The following GRIK4 variants were observed in gnomAD, a reference collection of about 807,000 sequenced individuals.
GRIK4 encodes the protein glutamate ionotropic receptor kainate type subunit 4, also known as glutamate receptor ionotropic, kainate 4.
Under a neutral mutation model 104.9 loss-of-function variants are expected in GRIK4, and 40 were observed. The observed-to-expected ratio is 0.38, with a 90% CI of 0.30 to 0.50. The LOEUF is 0.50. Among genes scored for constraint, GRIK4 ranks in the 20% least tolerant of loss-of-function variants. The pLI, the probability that GRIK4 is intolerant of heterozygous loss-of-function variation, is 0.93. For synonymous variants in GRIK4, 485 were observed against 524.9 expected (o/e 0.92, Z 1.04); for missense variants, 1,047 against 1,308.1 (o/e 0.80, Z 3.08).
At chr11:120,643,805 G>T (rs577965879) in intron 1 of GRIK4, among the ~76,000 whole-genome samples, 43 of 152,268 alleles carry the variant, frequency 2.8e-4, no homozygotes, top group Admixed American at 2.2e-3. Flanking sequence ...TGCAGCCAGG[G>T]TGTCTAATAA....
chr11:120,955,563 C>T (rs78528013), intron 15 of GRIK4, among the ~76,000 whole-genome samples: 8,653 of 152,234 alleles, frequency 0.057, 313 homozygotes, highest in Middle Eastern at 0.092. Flanking sequence ...ATCTCCCTGG[C>T]GGGCAGGGGA....
Position 120,862,002 on chromosome 11 carries a change from T to C in GRIK4, c.788T>C (p.Val263Ala), listed in dbSNP as rs142525154. 1 of 1,613,826 alleles carries C rather than the reference T, an allele frequency of 6.2e-7. No homozygotes were observed. The highest frequency in any genetic ancestry group is 1.3e-5 in the African/African-American group (1 of 75,064). The change falls in exon 9 of 21, where the codon GTC becomes GCC. Residue 263 changes from valine (V) to alanine (A), a missense_variant. Around this residue, in one of 3 missense-constraint regions of GRIK4, gnomAD observed 447 missense variants for 514.9 expected, o/e 0.87. Coordinates refer to ENST00000527524, the MANE Select transcript of GRIK4 (RefSeq NM_014619.5). The stretch of plus-strand genomic sequence containing the variant: ...ATGGACAGCCTTGTGGATGATCGTG[T>C]CAACATCCTGGGATTTTCCATTTTC... ...QRMDSLVDDR[V>A]NILGFSIFNQ...
At chr11:120,914,222 G>A (rs1221432277) in intron 13 of GRIK4, among the ~76,000 whole-genome samples, 1 of 152,230 alleles carries the variant, frequency 6.6e-6, no homozygotes, top group Admixed American at 6.5e-5. Flanking sequence ...GAGACGGACA[G>A]GTAAACCAAG....
At chr11:120,697,067 C>T (rs1325469228) in intron 3 of GRIK4, among the ~76,000 whole-genome samples, 1 of 152,200 alleles carries the variant, frequency 6.6e-6, no homozygotes, top group African/African-American at 2.4e-5. Flanking sequence ...CATCCTTCAA[C>T]CCGTTCGCTT....
intron 6 of GRIK4, among the ~76,000 whole-genome samples, chr11:120,828,526 A>C (rs2135558041): frequency 6.6e-6 from 1 of 151,452 alleles, no homozygotes; most frequent in South Asian, 2.1e-4. Flanking sequence ...TAATGTAGTC[A>C]CTCCCCTTAT....
At position 120,943,142 on chromosome 11, in the gene GRIK4, ACACACACACCCC is replaced by A. The variant is rs1431064797; in HGVS notation, c.1590+2684_1590+2695del. Among the ~76,000 whole-genome samples the A allele has an allele frequency of 1.7e-3, 212 of 122,170 alleles. 2 individuals are homozygous for A. The highest frequency in any genetic ancestry group is 7.3e-3 in the African/African-American group (167 of 22,804). The allele number at this position is 122,170 out of a possible 152,430, so 80.1% of individuals were successfully genotyped here. ...CACACACACACACACACACACACACACACACACACCCCCCTGACTGTTTGGTGAGGATTCCTC... is the reference window on the plus strand; with the variant it reads ...CACACACACACACACACACACACACACCTGACTGTTTGGTGAGGATTCCTC... On this transcript the variant is annotated intron_variant, in intron 14 of 20. Coordinates refer to ENST00000527524, the MANE Select transcript of GRIK4 (RefSeq NM_014619.5).
At chr11:120,592,333 C>G (rs889293383) in intron 1 of GRIK4, among the ~76,000 whole-genome samples, 3 of 152,214 alleles carry the variant, frequency 2.0e-5, no homozygotes, top group Non-Finnish European at 4.4e-5. Context: ...TGTGTGTGCA[C>G]ACGCCTCTTC....
At chr11:120,693,039 C>G (rs760838248) in intron 3 of GRIK4, among the ~76,000 whole-genome samples, 9 of 151,052 alleles carry the variant, frequency 6.0e-5, no homozygotes, top group Non-Finnish European at 8.8e-5. Flanking sequence ...GCCCAGACAA[C>G]TCTTAAAAGA....
chr11:120,581,814 CT>C (rs576341557), intron 1 of GRIK4, among the ~76,000 whole-genome samples: 7 of 142,418 alleles, frequency 4.9e-5, no homozygotes, highest in Admixed American at 7.0e-5. Context: ...TTCTTTTTTT[CT>C]TTTTTTTTTG....
chr11:120,524,107 A>G lies in GRIK4; in HGVS notation c.-159+12220A>G, dbSNP rs1445882152. On this transcript the variant is annotated intron_variant, in intron 1 of 20. Coordinates refer to ENST00000527524, the MANE Select transcript of GRIK4 (RefSeq NM_014619.5). This position sits in a 1 kb window ranked among gnomAD's most constrained non-coding sequence, Gnocchi z 4.5. Reference sequence around the variant, plus strand: ...ATGCCTGGCTAATTTTTTGTATTTTAATAGAGACAGGGTTTCATCATGTTA... The same window carrying G: ...ATGCCTGGCTAATTTTTTGTATTTTGATAGAGACAGGGTTTCATCATGTTA... Among the ~76,000 whole-genome samples, 1 of 151,878 alleles carries G rather than the reference A, an allele frequency of 6.6e-6. No homozygotes were observed. Among genetic ancestry groups the G allele is most frequent in the Non-Finnish European group, 1.5e-5 (1 of 67,956 alleles).
chr11:120,732,501 A>G (rs1352866883), intron 3 of GRIK4, among the ~76,000 whole-genome samples: 1 of 152,184 alleles, frequency 6.6e-6, no homozygotes, highest in East Asian at 1.9e-4. Context: ...TTAATGAGGC[A>G]CCTACAGGTA....
intron 1 of GRIK4, among the ~76,000 whole-genome samples, chr11:120,622,778 C>T (rs1174379415): frequency 6.6e-6 from 1 of 152,228 alleles, no homozygotes; most frequent in Non-Finnish European, 1.5e-5. Context: ...CCTCTTGCAG[C>T]ATCTGGTGGC....
intron 11 of GRIK4, among the ~76,000 whole-genome samples, chr11:120,880,580 A>G (rs1171222743): frequency 6.6e-6 from 1 of 152,194 alleles, no homozygotes; most frequent in Non-Finnish European, 1.5e-5. Context: ...CCATGTTGGA[A>G]GGGACCTTCA....
chr11:120,826,419 C>A (rs1953261662), intron 6 of GRIK4, among the ~76,000 whole-genome samples: 1 of 152,154 alleles, frequency 6.6e-6, no homozygotes, highest in Non-Finnish European at 1.5e-5. Flanking sequence ...TTCTCCCGCC[C>A]CAGCAATTCT....
chr11:120,860,117 T>C (rs1368746335), intron 8 of GRIK4, among the ~76,000 whole-genome samples: 4 of 152,226 alleles, frequency 2.6e-5, no homozygotes, highest in Non-Finnish European at 4.4e-5. Context: ...CCATCTGTCA[T>C]GTCAGGCTGA....
chr11:120,590,779 C>T (rs1044523004), intron 1 of GRIK4, among the ~76,000 whole-genome samples: 1 of 152,090 alleles, frequency 6.6e-6, no homozygotes, highest in Non-Finnish European at 1.5e-5. Flanking sequence ...TTGTGGAATA[C>T]TTAGTATATG....
At chr11:120,570,243 A>G (rs1020303702) in intron 1 of GRIK4, among the ~76,000 whole-genome samples, 6 of 152,236 alleles carry the variant, frequency 3.9e-5, no homozygotes, top group East Asian at 1.9e-4. Context: ...ATAATTACTC[A>G]TAGTTTATAA....
intron 1 of GRIK4, among the ~76,000 whole-genome samples, chr11:120,613,427 A>G (rs752064614): frequency 7.9e-5 from 12 of 152,330 alleles, no homozygotes; most frequent in Middle Eastern, 3.4e-3. Context: ...CTTTGGAGAT[A>G]CAAAGCTCTT....
intron 13 of GRIK4, among the ~76,000 whole-genome samples, chr11:120,922,156 A>G (rs1943240773): frequency 6.6e-6 from 1 of 152,216 alleles, no homozygotes; most frequent in South Asian, 2.1e-4. Context: ...TACTTGCTTT[A>G]CAAATGTTCT....
Sources: allele counts gnomAD v4.1 joint callset (sites outside exome capture counted in the v4.1 genomes callset), GRCh38; gene constraint gnomAD v4.1.1; regional missense constraint gnomAD v4.1.1; non-coding constraint Gnocchi (gnomAD v3.1); transcripts MANE v1.5; gene names NCBI Gene and HGNC (gene_info 2026-07-23, HGNC 2026-07-21).